COA1: variants seen among roughly 807,000 people sequenced by gnomAD.
COA1 encodes cytochrome c oxidase assembly factor 1 homolog.
A neutral mutation model predicts 16.0 loss-of-function variants in COA1; 13 were observed. The ratio of observed to expected loss-of-function variants is 0.81; its 90% CI spans 0.53 to 1.29. The LOEUF (loss-of-function observed/expected upper bound fraction) is 1.29, where lower values mean the gene tolerates loss of function less well. Ranked by LOEUF, COA1 falls within the 50% of genes most tolerant of loss-of-function variation. The pLI, the probability that COA1 is intolerant of heterozygous loss-of-function variation, is 0.00. For missense variants in COA1, 179 were observed against 177.0 expected, an observed-to-expected ratio of 1.01 and a Z score of -0.06; for synonymous variants, 65 against 65.7, an observed-to-expected ratio of 0.99 and a Z score of 0.05.
At position 43,702,426 on chromosome 7, in the gene COA1, G is replaced by A. The variant is rs374512570; in HGVS notation, c.-39+27003C>T. On this transcript the variant is annotated intron_variant, in intron 1 of 5. Coordinates refer to ENST00000223336, the MANE Select transcript of COA1 (RefSeq NM_018224.4). ...TTGTAGGTATGCAGCTTTATTTCCA[G>A]GCTCTCTATTCTGTTCCATTGGTCT... is the stretch of plus-strand genomic sequence containing the variant. 1.1e-4 allele frequency among the ~76,000 whole-genome samples: 17 copies of A among 152,186 alleles called. No homozygotes were observed. In the East Asian group the frequency reaches 2.9e-3, roughly 26 times the overall value.
At chr7:43,663,686 A>C (rs1420133488) in intron 1 of COA1, among the ~76,000 whole-genome samples, 1 of 149,216 alleles carries the variant, frequency 6.7e-6, no homozygotes, top group African/African-American at 2.5e-5. Context: ...AAAAAAAAAA[A>C]AACACACACA....
chr7:43,677,714 G>A (rs551113923), intron 1 of COA1, among the ~76,000 whole-genome samples: 17 of 149,460 alleles, frequency 1.1e-4, no homozygotes, highest in South Asian at 6.3e-4. Context: ...CAAGAGAATC[G>A]CTTGAATCTA....
At chr7:43,700,591 C>CGTGTGTGTGTGTGTGTGTGTGTGT (rs58589217) in intron 1 of COA1, among the ~76,000 whole-genome samples, 1 of 144,868 alleles carries the variant, frequency 6.9e-6, no homozygotes, top group Non-Finnish European at 1.5e-5. Flanking sequence ...TGTATATATA[C>CGTGTGTGTGTGTGTGTGTGTGTGT]GTGTGTGTGT....
At chr7:43,692,112 T>C (rs1427004121) in intron 1 of COA1, among the ~76,000 whole-genome samples, 1 of 152,234 alleles carries the variant, frequency 6.6e-6, no homozygotes, top group African/African-American at 2.4e-5. Context: ...TCTCACAGCC[T>C]GGGAATTATC....
At chr7:43,621,197 A>G (rs2083850366) in intron 6 of COA1, among the ~76,000 whole-genome samples, 1 of 152,254 alleles carries the variant, frequency 6.6e-6, no homozygotes, top group African/African-American at 2.4e-5. Context: ...AAGATGCCAC[A>G]GGCACAGAAA....
intron 6 of COA1, chr7:43,622,715 T>G (rs1263133831): frequency 6.7e-6 from 1 of 150,066 alleles, no homozygotes; most frequent in Non-Finnish European, 1.5e-5. Flanking sequence ...GTTTTTTTTT[T>G]TGTGAGACAC....
intron 1 of COA1, among the ~76,000 whole-genome samples, chr7:43,705,850 T>C (rs1002640711): frequency 6.6e-6 from 1 of 152,094 alleles, no homozygotes; most frequent in African/African-American, 2.4e-5. Flanking sequence ...TCAATTTCAC[T>C]CACCCCATCC....
At chr7:43,617,180 T>C (rs1033678912) in intron 6 of COA1, among the ~76,000 whole-genome samples, 2 of 152,100 alleles carry the variant, frequency 1.3e-5, no homozygotes, top group African/African-American at 2.4e-5. Flanking sequence ...GAGAGCTAGT[T>C]AGGCAGAAGC....
intron 1 of COA1, among the ~76,000 whole-genome samples, chr7:43,672,553 C>T (rs1283092819): frequency 4.6e-5 from 7 of 152,138 alleles, no homozygotes; most frequent in Admixed American, 1.3e-4. Flanking sequence ...GGGCAGATCA[C>T]GAGTTCAAGA....
chr7:43,628,598 T>C (rs1314657606), intron 6 of COA1, among the ~76,000 whole-genome samples: 1 of 152,220 alleles, frequency 6.6e-6, no homozygotes, highest in Non-Finnish European at 1.5e-5. Context: ...GTTTTTTACA[T>C]CCTTGCCGAC....
intron 6 of COA1, chr7:43,626,844 G>GT (rs2084602392): frequency 6.6e-6 from 1 of 152,110 alleles, no homozygotes; most frequent in Non-Finnish European, 1.5e-5. Context: ...AGTTTGCTGC[G>GT]TATCTTTAGC....
intron 6 of COA1, among the ~76,000 whole-genome samples, chr7:43,611,469 C>A (rs926939814): frequency 6.6e-6 from 1 of 152,192 alleles, no homozygotes; most frequent in South Asian, 2.1e-4. Flanking sequence ...CACACCCACA[C>A]GCTGAGGTGG....
intron 1 of COA1, among the ~76,000 whole-genome samples, chr7:43,715,164 T>C (rs187794912): frequency 5.9e-5 from 9 of 152,306 alleles, no homozygotes; most frequent in Admixed American, 2.0e-4. Context: ...CCTTTTCCAA[T>C]AGTCTTGAAC....
At chr7:43,703,309 GT>G (rs1355068314) in intron 1 of COA1, among the ~76,000 whole-genome samples, 1 of 152,134 alleles carries the variant, frequency 6.6e-6, no homozygotes. Flanking sequence ...TGTATATTCT[GT>G]TTTTGTTGGG....
At chr7:43,719,497 G>A (rs959959659) in intron 1 of COA1, among the ~76,000 whole-genome samples, 5 of 152,176 alleles carry the variant, frequency 3.3e-5, no homozygotes, top group African/African-American at 1.2e-4. Context: ...CAAAAATAAA[G>A]TCAAACTAAG....
At chr7:43,630,791 C>T (rs1455326796) in intron 6 of COA1, among the ~76,000 whole-genome samples, 1 of 152,176 alleles carries the variant, frequency 6.6e-6, no homozygotes, top group Admixed American at 6.5e-5. Context: ...CCTACCAACA[C>T]ATTTGAGATA....
At chr7:43,632,961 TAC>T (rs2085324304) in intron 6 of COA1, 1 of 152,262 alleles carries the variant, frequency 6.6e-6, no homozygotes, top group Non-Finnish European at 1.5e-5. Context: ...GTTGCGTTTA[TAC>T]AGCATATCTT....
chr7:43,663,236 T>C (rs7807243), intron 1 of COA1, among the ~76,000 whole-genome samples: 85,303 of 152,038 alleles, frequency 0.56, 25,720 homozygotes, highest in African/African-American at 0.8. Flanking sequence ...AAAAGCTCCC[T>C]GAGGCCCCTG....
chr7:43,614,182 G>A (rs77007843), intron 6 of COA1, among the ~76,000 whole-genome samples: 6,564 of 152,190 alleles, frequency 0.043, 412 homozygotes, highest in African/African-American at 0.15. Context: ...AGTGGTGATT[G>A]TTCAGTAAAC....
Sources: gnomAD v4.1 joint callset for allele counts (sites outside exome capture counted in the v4.1 genomes callset) on GRCh38, gnomAD v4.1.1 for gene constraint, MANE v1.5 for transcripts, NCBI Gene and HGNC (gene_info 2026-07-23, HGNC 2026-07-21) for gene names.